The following CSMD1 variants were observed in gnomAD, a reference collection of about 807,000 sequenced individuals.
CSMD1 encodes the protein CUB and sushi domain-containing protein 1.
Under a neutral mutation model 417.5 loss-of-function variants are expected in CSMD1, and 213 were observed. The observed-to-expected ratio is 0.51, with a 90% CI of 0.46 to 0.57. The LOEUF is 0.57. CSMD1 is among the 20% of genes least tolerant of loss of function. The probability of loss-of-function intolerance (pLI) is 0.00; values close to 1 mark genes in which losing one functional copy is unlikely to be tolerated. For missense variants in CSMD1, 6,923 were observed against 4,529.7 expected (o/e 1.53, Z -15.17); for synonymous variants, 2,862 against 1,736.8 (o/e 1.65, Z -16.11).
chr8:3,292,094 C>G (rs189160500), intron 25 of CSMD1, among the ~76,000 whole-genome samples: 1 of 152,162 alleles, frequency 6.6e-6, no homozygotes, highest in African/African-American at 2.4e-5. Flanking sequence ...ACTCAGTAGT[C>G]ATTCAGGAGC....
chr8:3,542,751 G>A (rs1371515680), intron 10 of CSMD1, among the ~76,000 whole-genome samples: 1 of 152,194 alleles, frequency 6.6e-6, no homozygotes, highest in African/African-American at 2.4e-5. Context: ...GGAGCTGAAT[G>A]GAACAGCTTG....
At chr8:3,892,476 T>C (rs1434453548) in intron 5 of CSMD1, among the ~76,000 whole-genome samples, 1 of 152,088 alleles carries the variant, frequency 6.6e-6, no homozygotes, top group Non-Finnish European at 1.5e-5. Flanking sequence ...CCCAACTAAG[T>C]TCTGCAAGAG....
chr8:4,215,640 C>G (rs922119602), intron 3 of CSMD1, among the ~76,000 whole-genome samples: 2 of 151,914 alleles, frequency 1.3e-5, no homozygotes, highest in African/African-American at 4.8e-5. Context: ...TTGGATCATA[C>G]AAGAATTGAA....
intron 12 of CSMD1, among the ~76,000 whole-genome samples, chr8:3,410,187 A>G (rs1035605248): frequency 2.0e-5 from 3 of 152,220 alleles, no homozygotes; most frequent in East Asian, 1.9e-4. Flanking sequence ...CACCAAACCT[A>G]TATTTCAAAT....
chr8:4,195,580 G>C (rs914066964), intron 3 of CSMD1, among the ~76,000 whole-genome samples: 4 of 152,158 alleles, frequency 2.6e-5, no homozygotes, highest in Admixed American at 6.5e-5. Flanking sequence ...GTAGAGGTGA[G>C]CGTTGTCACT....
At chr8:4,731,088 C>G (rs1809828391) in intron 1 of CSMD1, among the ~76,000 whole-genome samples, 2 of 152,166 alleles carry the variant, frequency 1.3e-5, no homozygotes, top group South Asian at 4.1e-4. Flanking sequence ...GAGACCATTA[C>G]CAGCTGTAAC....
intron 8 of CSMD1, among the ~76,000 whole-genome samples, chr8:3,598,127 C>G (rs989928022): frequency 1.3e-5 from 2 of 151,994 alleles, no homozygotes; most frequent in African/African-American, 4.8e-5. Context: ...CATATATTTC[C>G]TAACGCATTT....
intron 3 of CSMD1, among the ~76,000 whole-genome samples, chr8:4,196,306 A>T (rs924803375): frequency 1.3e-5 from 2 of 152,214 alleles, no homozygotes; most frequent in Non-Finnish European, 2.9e-5. Flanking sequence ...CATTTGTTCT[A>T]TCGCTGCCGT....
chr8:3,335,464 G>C (rs1185314291), intron 23 of CSMD1, among the ~76,000 whole-genome samples: 1 of 152,162 alleles, frequency 6.6e-6, no homozygotes, highest in Admixed American at 6.5e-5. Context: ...GATCATCTGA[G>C]GTCGGGAGAT....
intron 1 of CSMD1, among the ~76,000 whole-genome samples, chr8:4,831,091 T>C (rs1172712114): frequency 2.6e-5 from 4 of 152,220 alleles, no homozygotes; most frequent in Non-Finnish European, 5.9e-5. Flanking sequence ...AGGGATGTTT[T>C]TTCCATTTTA....
intron 40 of CSMD1, among the ~76,000 whole-genome samples, chr8:3,145,608 T>G (rs1447914026): frequency 6.6e-6 from 1 of 152,202 alleles, no homozygotes; most frequent in Non-Finnish European, 1.5e-5. Context: ...TCAAACTACC[T>G]AATACATATC....
chr8:4,796,853 G>C (rs780251146), intron 1 of CSMD1, among the ~76,000 whole-genome samples: 1 of 152,160 alleles, frequency 6.6e-6, no homozygotes, highest in Non-Finnish European at 1.5e-5. Flanking sequence ...AATTGCAAAG[G>C]TCTGGGGTCA....
Position 3,142,605 on chromosome 8 carries a change from G to C in CSMD1, c.6101C>G (p.Pro2034Arg), listed in dbSNP as rs1818573782. The change falls in exon 41 of 70, where the codon CCT becomes CGT. Residue 2034 changes from proline (P) to arginine (R), a missense_variant. By Grantham distance (103) the Pro-to-Arg change is moderately radical. Coordinates refer to ENST00000635120, the MANE Select transcript of CSMD1 (RefSeq NM_033225.6). Reference sequence around the variant, plus strand: ...TCCAATCATGGGGCTGGTGTGGTAAGGTCCATTTTGAATTTCAAGGAAGTC... The same window carrying C: ...TCCAATCATGGGGCTGGTGTGGTAACGTCCATTTTGAATTTCAAGGAAGTC... ...NHDFLEIQNG[P>R]YHTSPMIGQF... The C allele has an allele frequency of 2.5e-6, 4 of 1,613,792 alleles. No homozygotes were observed. The highest frequency in any genetic ancestry group is 1.1e-5 in the South Asian group (1 of 91,084).
intron 1 of CSMD1, among the ~76,000 whole-genome samples, chr8:4,928,320 G>A (rs985534599): frequency 6.6e-6 from 1 of 152,064 alleles, no homozygotes; most frequent in African/African-American, 2.4e-5. Context: ...TTTTTCTACG[G>A]AATTTTTGCC....
chr8:3,993,421 C>A (rs568878395), intron 5 of CSMD1, among the ~76,000 whole-genome samples: 4 of 152,274 alleles, frequency 2.6e-5, no homozygotes, highest in African/African-American at 7.2e-5. Flanking sequence ...TGGGTAAACA[C>A]TGGAAGCATT....
chr8:4,292,961 C>T lies in CSMD1; in HGVS notation c.415+126992G>A, dbSNP rs574413914. Among the ~76,000 whole-genome samples the T allele has an allele frequency of 9.8e-5, 15 of 152,292 alleles. 1 individual carries two copies. In the South Asian group the frequency reaches 2.1e-3, roughly 21 times the overall value. On this transcript the variant is annotated intron_variant, in intron 3 of 69. Coordinates refer to ENST00000635120, the MANE Select transcript of CSMD1 (RefSeq NM_033225.6). ...CCAACAAGGGACCCACAAAGCACTC[C>T]AGAGGCAAAAGACGTGAACAGTCTC...
chr8:3,086,717 A>G (rs1814558388), intron 49 of CSMD1, among the ~76,000 whole-genome samples: 1 of 152,266 alleles, frequency 6.6e-6, no homozygotes, highest in African/African-American at 2.4e-5. Flanking sequence ...TTAGGGCTCA[A>G]AGAATGAGTT....
At chr8:3,269,701 G>C (rs1030800939) in intron 26 of CSMD1, among the ~76,000 whole-genome samples, 1 of 152,160 alleles carries the variant, frequency 6.6e-6, no homozygotes, top group Non-Finnish European at 1.5e-5. Flanking sequence ...TCAGCTTTGT[G>C]TGCTGAACTC....
chr8:4,948,330 T>G (rs980377830), intron 1 of CSMD1, among the ~76,000 whole-genome samples: 1 of 152,102 alleles, frequency 6.6e-6, no homozygotes, highest in African/African-American at 2.4e-5. Context: ...TTTTTTGAAG[T>G]GTCAATTCAA....
Sources: allele counts gnomAD v4.1 joint callset (sites outside exome capture counted in the v4.1 genomes callset), GRCh38; gene constraint gnomAD v4.1.1; transcripts MANE v1.5; gene names NCBI Gene and HGNC (gene_info 2026-07-23, HGNC 2026-07-21).